CAST: variants seen among roughly 807,000 people sequenced by gnomAD.
The protein encoded by CAST is MIR583 host.
CAST carries 76 observed loss-of-function variants against 119.6 expected under a neutral mutation model. The ratio of observed to expected loss-of-function variants is 0.64; its 90% CI spans 0.53 to 0.77. The LOEUF (loss-of-function observed/expected upper bound fraction) is 0.77. Ranked by LOEUF, CAST falls within the 30% of genes least tolerant of loss-of-function variation. CAST has a pLI of 0.00. For synonymous variants in CAST, 319 were observed against 331.6 expected, an observed-to-expected ratio of 0.96 and a Z score of 0.41; for missense variants, 953 against 946.5, an observed-to-expected ratio of 1.01 and a Z score of -0.09.
At chr5:95,974,113 A>G in the CAST span, among the ~76,000 whole-genome samples, 1 of 152,252 alleles carries the variant, frequency 6.6e-6, no homozygotes, top group African/African-American at 2.4e-5. Flanking sequence ...CCAGGGAGCT[A>G]CCAACTCTTA....
At chr5:96,323,206 G>A in the CAST span, among the ~76,000 whole-genome samples, 7 of 152,316 alleles carry the variant, frequency 4.6e-5, no homozygotes, top group Admixed American at 1.3e-4. Flanking sequence ...GCAAGCAGCT[G>A]TCTGTTCTGT....
chr5:96,344,168 G>T, the CAST span, among the ~76,000 whole-genome samples: 1 of 151,990 alleles, frequency 6.6e-6, no homozygotes, highest in African/African-American at 2.4e-5. Context: ...AATATCAAAG[G>T]CTAGTACCGC....
At chr5:96,333,701 A>G in the CAST span, among the ~76,000 whole-genome samples, 3 of 152,096 alleles carry the variant, frequency 2.0e-5, no homozygotes, top group African/African-American at 7.2e-5. Flanking sequence ...GTGCGGAGCA[A>G]TACTGGTGGG....
chr5:96,267,750 G>C, the CAST span, among the ~76,000 whole-genome samples: 1 of 152,024 alleles, frequency 6.6e-6, no homozygotes, highest in African/African-American at 2.4e-5. Flanking sequence ...AAAACCCATA[G>C]GTAAAATTAA....
chr5:96,687,225 T>C (rs1167840078), intron 2 of CAST, among the ~76,000 whole-genome samples: 1 of 152,184 alleles, frequency 6.6e-6, no homozygotes, highest in East Asian at 1.9e-4. Flanking sequence ...ATAGCAAGAA[T>C]GGAGGATTCT....
At chr5:96,749,710 C>A (rs1291678857) in intron 19 of CAST, among the ~76,000 whole-genome samples, 2 of 152,152 alleles carry the variant, frequency 1.3e-5, no homozygotes, top group African/African-American at 4.8e-5. Context: ...CCATGCCTGG[C>A]TAATTTTTGT....
At chr5:96,379,919 AG>A in the CAST span, among the ~76,000 whole-genome samples, 1 of 152,164 alleles carries the variant, frequency 6.6e-6, no homozygotes, top group African/African-American at 2.4e-5. Flanking sequence ...GATTGGATAG[AG>A]GGGGTATACA....
At chr5:96,401,972 T>C in the CAST span, among the ~76,000 whole-genome samples, 1 of 152,210 alleles carries the variant, frequency 6.6e-6, no homozygotes, top group Non-Finnish European at 1.5e-5. Context: ...TTCCTCGACT[T>C]TGAGACCTGT....
At chr5:96,138,679 T>G in the CAST span, among the ~76,000 whole-genome samples, 2 of 152,036 alleles carry the variant, frequency 1.3e-5, no homozygotes, top group East Asian at 3.8e-4. Flanking sequence ...ATATAGATTT[T>G]GTATATATAC....
intron 3 of CAST, among the ~76,000 whole-genome samples, chr5:96,696,686 T>TAAAAAAAAA (rs57199097): frequency 7.2e-5 from 7 of 97,196 alleles, no homozygotes; most frequent in East Asian, 2.9e-4. Flanking sequence ...CTTTCTCTCC[T>TAAAAAAAAA]AAAAAAAAAA....
At chr5:96,210,907 C>T in the CAST span, among the ~76,000 whole-genome samples, 1 of 151,828 alleles carries the variant, frequency 6.6e-6, no homozygotes, top group African/African-American at 2.4e-5. Context: ...GTTGAATTTA[C>T]ATTCAAGTAC....
the CAST span, among the ~76,000 whole-genome samples, chr5:96,314,464 C>G: frequency 1.3e-5 from 2 of 152,196 alleles, no homozygotes; most frequent in Non-Finnish European, 2.9e-5. Context: ...TGAAGCTGAG[C>G]AAATGGGGCT....
chr5:96,092,942 C>T, the CAST span, among the ~76,000 whole-genome samples: 1 of 152,156 alleles, frequency 6.6e-6, no homozygotes, highest in Non-Finnish European at 1.5e-5. Context: ...TCCAGATCTC[C>T]TTAATCATTG....
the CAST span, among the ~76,000 whole-genome samples, chr5:96,131,016 G>T: frequency 6.6e-6 from 1 of 152,016 alleles, no homozygotes; most frequent in Non-Finnish European, 1.5e-5. Flanking sequence ...AGCAATTGTA[G>T]TTTCCCAATC....
rs57199097 is a variant in CAST, at chr5:96,696,686, T to TAAAAA, written c.210+788_210+792dup. On this transcript the variant is annotated intron_variant, in intron 3 of 31. Transcript: ENST00000675179. ...CAACATAGTAAGACCCTTTCTCTCC[T>TAAAAA]AAAAAAAAAAAAATTAAAAATTAGC... Among the ~76,000 whole-genome samples, 4 of 97,202 alleles carry TAAAAA rather than the reference T, an allele frequency of 4.1e-5. No individual in the cohort carries two copies. In the Admixed American group the frequency reaches 5.4e-4, roughly 13 times the overall value. 63.8% of individuals were successfully genotyped at this position (97,202 alleles called of 152,430 possible). A position where few individuals can be genotyped will look rare whatever the true frequency, so the allele number is the denominator to read the frequency against.
At chr5:96,423,443 G>A in the CAST span, 22 of 1,613,820 alleles carry the variant, frequency 1.4e-5, no homozygotes, top group Admixed American at 6.7e-5. Flanking sequence ...CAGGGCTGCC[G>A]TCATCCTGGT....
chr5:96,047,891 G>A, the CAST span, among the ~76,000 whole-genome samples: 1 of 152,120 alleles, frequency 6.6e-6, no homozygotes, highest in Admixed American at 6.5e-5. Context: ...CTGATTTGAA[G>A]GAAGAAGGTA....
the CAST span, among the ~76,000 whole-genome samples, chr5:96,123,836 A>G: frequency 2.0e-5 from 3 of 152,216 alleles, no homozygotes; most frequent in Non-Finnish European, 4.4e-5. Context: ...TAAGGTCTGC[A>G]AACATATTAG....
chr5:96,728,657 T>G (rs1054595467), intron 6 of CAST: 1 of 152,450 alleles, frequency 6.6e-6, no homozygotes, highest in African/African-American at 2.4e-5. Flanking sequence ...TTTTGTATTT[T>G]TAGTAGAGAC....
Sources: allele counts gnomAD v4.1 joint callset (sites outside exome capture counted in the v4.1 genomes callset), GRCh38; gene constraint gnomAD v4.1.1; transcripts MANE v1.5; gene names NCBI Gene and HGNC (gene_info 2026-07-23, HGNC 2026-07-21).